Variants in AHDC1 observed in about 807,000 individuals in gnomAD.
AHDC1 encodes the protein AT-hook DNA binding motif containing 1.
A neutral mutation model predicts 87.9 loss-of-function variants in AHDC1; 7 were observed. That is an observed-to-expected ratio of 0.08 (90% CI 0.05 to 0.15). AHDC1 has a LOEUF of 0.15. Among genes scored for constraint, AHDC1 ranks in the 10% least tolerant of loss-of-function variants. The probability of loss-of-function intolerance (pLI) is 1.00; values close to 1 mark genes in which losing one functional copy is unlikely to be tolerated. For synonymous variants in AHDC1, 1,051 were observed against 1,006.8 expected (o/e 1.04, Z -0.83); for missense variants, 1,841 against 2,253.2 (o/e 0.82, Z 3.70).
chr1:27,567,313 G>A (rs918484701), intron 3 of AHDC1, among the ~76,000 whole-genome samples: 3 of 152,256 alleles, frequency 2.0e-5, no homozygotes, highest in East Asian at 1.9e-4. Flanking sequence ...AGGGCAGCGC[G>A]GGGCGCCCGC....
intron 5 of AHDC1, among the ~76,000 whole-genome samples, chr1:27,555,850 C>A (rs1037932040): frequency 1.3e-5 from 2 of 152,142 alleles, no homozygotes; most frequent in African/African-American, 4.8e-5. Flanking sequence ...TCAACCCACC[C>A]GTGAAGACCT....
intron 8 of AHDC1, among the ~76,000 whole-genome samples, chr1:27,537,773 G>A (rs1044566410): frequency 4.6e-5 from 7 of 151,768 alleles, no homozygotes; most frequent in Non-Finnish European, 8.9e-5. Flanking sequence ...ATTCCTCTGA[G>A]TCCTCATGCT....
At chr1:27,582,422 A>G (rs895904175) in intron 3 of AHDC1, among the ~76,000 whole-genome samples, 7 of 152,252 alleles carry the variant, frequency 4.6e-5, no homozygotes, top group Admixed American at 4.6e-4. Context: ...AATAAGAGTA[A>G]CAACAGCCTC....
intron 3 of AHDC1, among the ~76,000 whole-genome samples, chr1:27,597,337 G>T (rs943493825): frequency 4.0e-5 from 5 of 124,338 alleles, no homozygotes; most frequent in Non-Finnish European, 6.2e-5. Context: ...TCACAAATTT[G>T]TGTGTGTGTG....
chr1:27,579,160 C>G (rs955744594), intron 3 of AHDC1, among the ~76,000 whole-genome samples: 2 of 151,800 alleles, frequency 1.3e-5, no homozygotes, highest in African/African-American at 4.8e-5. Context: ...CCCACCTCAG[C>G]CTCTTGCATA....
rs372265193 is a variant in AHDC1 at position 27,595,450 on chromosome 1, C to CTGTGTGTGTGTGTGTGTGTGTGTG, written c.-629+7946_-629+7947insCACACACACACACACACACACACA. The stretch of plus-strand genomic sequence containing the variant: ...GGTTGATATGCTGAGGGTGTGATAG[C>CTGTGTGTGTGTGTGTGTGTGTGTG]TGTGTGTGTGTGTGTGTGTGATTGT... On this transcript the variant is annotated intron_variant, in intron 3 of 8. Transcript: ENST00000673934. The surrounding 1 kb of genome is among the most constrained non-coding windows in gnomAD (Gnocchi z 4.0). Among the ~76,000 whole-genome samples the CTGTGTGTGTGTGTGTGTGTGTGTG allele has an allele frequency of 6.0e-3, 874 of 144,746 alleles. 4 individuals carry two copies. The highest frequency in any genetic ancestry group is 0.011 in the Admixed American group (154 of 14,590). The allele number at this position is 144,746 out of a possible 152,430, so 95.0% of individuals were successfully genotyped here.
chr1:27,549,953 C>T lies in AHDC1; in HGVS notation c.2163G>A (p.Gly721=). 1 of 1,612,732 alleles carries T rather than the reference C, an allele frequency of 6.2e-7. No homozygotes were observed. Among genetic ancestry groups the T allele is most frequent in the South Asian group, 1.1e-5 (1 of 90,958 alleles). The stretch of plus-strand genomic sequence containing the variant: ...CCCCCCGGCCCCGTTTGCGTGGGTG[C>T]CCCAACTCAGTAAGGCCCGGGCCCC... ...GVGGPGLTEL[G]HPRKRGRGEV... Residue 721 remains glycine (G), a synonymous_variant, in exon 8 of 9, where the codon GGG becomes GGA. Coordinates refer to ENST00000673934, the MANE Select transcript of AHDC1 (RefSeq NM_001371928.1).
intron 5 of AHDC1, among the ~76,000 whole-genome samples, chr1:27,556,453 G>A (rs1407447237): frequency 6.6e-6 from 1 of 151,910 alleles, no homozygotes; most frequent in Non-Finnish European, 1.5e-5. Flanking sequence ...TCCTCCAGGG[G>A]CCTTATCTCT....
chr1:27,543,138 C>G lies in AHDC1; in HGVS notation c.*43+4123G>C, dbSNP rs184403203. Among the ~76,000 whole-genome samples, 5 of 152,366 alleles carry G rather than the reference C, an allele frequency of 3.3e-5. No individual in the cohort carries two copies. In the East Asian group the frequency reaches 5.8e-4, roughly 18 times the overall value. ...TCCTGCTTCAGTCAGGCCCTAGCCG[C>G]GTAACCTTGGAGGACCTGTGACATT... On this transcript the variant is annotated intron_variant, in intron 8 of 8. Coordinates refer to ENST00000673934, the MANE Select transcript of AHDC1 (RefSeq NM_001371928.1).
chr1:27,581,907 G>A lies in AHDC1; in HGVS notation c.-629+21490C>T, dbSNP rs12133123. Among the ~76,000 whole-genome samples the A allele has an allele frequency of 3.7e-3, 563 of 152,206 alleles. 1 individual carries two copies. The highest frequency in any genetic ancestry group is 5.7e-3 in the Non-Finnish European group (386 of 68,024). On this transcript the variant is annotated intron_variant, in intron 3 of 8. Transcript: ENST00000673934. Reference sequence around the variant, plus strand: ...CCTCTCCTCTCTTCCCCTCCCCTGAGTCTCAACACCACCCACACACTCACT... The same window carrying A: ...CCTCTCCTCTCTTCCCCTCCCCTGAATCTCAACACCACCCACACACTCACT...
intron 3 of AHDC1, among the ~76,000 whole-genome samples, chr1:27,603,085 T>C (rs2089581745): frequency 6.9e-6 from 1 of 145,566 alleles, no homozygotes; most frequent in Non-Finnish European, 1.5e-5. Flanking sequence ...GCGGCAGCGC[T>C]GGGCGCGCAC....
chr1:27,548,864 G>A lies in AHDC1; in HGVS notation c.3252C>T (p.Ala1084=), dbSNP rs1354866687. ...GGAAGGAGGAGGAGGAGGAGGAGGC[G>A]GCAGAGGCTGCAGAGGTGGCAGAGG... ...TTASATSAAS[A]ASSSSSSFQP... Residue 1084 remains alanine, a synonymous_variant, in exon 8 of 9, where the codon GCC becomes GCT. Transcript: ENST00000673934. 10 of 1,612,532 alleles carry A rather than the reference G, an allele frequency of 6.2e-6. No individual in the cohort carries two copies. The East Asian group carries it at 8.9e-5, about 14-fold the overall frequency.
At chr1:27,542,817 T>C (rs889368387) in intron 8 of AHDC1, among the ~76,000 whole-genome samples, 1 of 152,162 alleles carries the variant, frequency 6.6e-6, no homozygotes. Context: ...AGATTACATT[T>C]TCAGGAAATG....
intron 8 of AHDC1, among the ~76,000 whole-genome samples, chr1:27,542,912 G>A (rs188475932): frequency 6.6e-6 from 1 of 152,346 alleles, no homozygotes; most frequent in East Asian, 1.9e-4. Context: ...CAGAGAGTGT[G>A]GGGAAGAACT....
At position 27,549,412 on chromosome 1, in the gene AHDC1, T is replaced by C. The variant is rs2019392123; in HGVS notation, c.2704A>G (p.Ser902Gly). 2 of 1,612,768 alleles carry C rather than the reference T, an allele frequency of 1.2e-6. No individual in the cohort carries two copies. The highest frequency in any genetic ancestry group is 2.7e-5 in the African/African-American group (2 of 74,886). ...GAKASPVAVG[S>G]SGAGADPSFQ... ...GAGGGGTCCGCCCCAGCCCCGCTGC[T>C]ACCCACTGCCACTGGGCTGGCCTTG... The change falls in exon 8 of 9, where the codon AGC becomes GGC. Residue 902 changes from serine (S) to glycine (G), a missense_variant. Ser to Gly is a moderately conservative substitution (Grantham distance 56). Coordinates refer to ENST00000673934, the MANE Select transcript of AHDC1 (RefSeq NM_001371928.1).
rs1489838949 is a variant in AHDC1 at position 27,593,036 on chromosome 1, T to G, written c.-629+10361A>C. The stretch of plus-strand genomic sequence containing the variant: ...AGTTGGCCCCACCTCCGAGCTGCAT[T>G]ATTTATAAAACCCAGAGCAAGGAGC... On this transcript the variant is annotated intron_variant, in intron 3 of 8. Transcript: ENST00000673934. The surrounding 1 kb of genome is among the most constrained non-coding windows in gnomAD (Gnocchi z 4.9). Among the ~76,000 whole-genome samples, 1 of 151,980 alleles carries G rather than the reference T, an allele frequency of 6.6e-6. No homozygotes were observed. The highest frequency in any genetic ancestry group is 1.5e-5 in the Non-Finnish European group (1 of 67,956).
Position 27,548,967 on chromosome 1 carries a change from G to A in AHDC1, c.3149C>T (p.Ala1050Val). The part of the protein sequence containing the change: ...SSEGAPFSGS[A>V]PTPLRCDSRA... The stretch of plus-strand genomic sequence containing the variant: ...GCTGTCACAGCGCAGGGGCGTGGGG[G>A]CTGAACCAGAGAAGGGGGCCCCCTC... The change falls in exon 8 of 9, where the codon GCC becomes GTC. Residue 1050 changes from alanine (A) to valine (V), a missense_variant. By Grantham distance (64) the Ala-to-Val change is moderately conservative (BLOSUM62 0). This residue lies in a region of AHDC1 where 378 missense variants were observed against 399.0 expected (regional missense o/e 0.95). Transcript: ENST00000673934. The A allele has an allele frequency of 1.3e-6, 2 of 1,567,328 alleles. No individual in the cohort carries two copies. Among genetic ancestry groups the A allele is most frequent in the East Asian group, 2.3e-5 (1 of 43,740 alleles).
chr1:27,571,695 C>A (rs746505061), intron 3 of AHDC1, among the ~76,000 whole-genome samples: 134 of 152,296 alleles, frequency 8.8e-4, no homozygotes, highest in Middle Eastern at 3.4e-3. Context: ...CCTACTTCAC[C>A]CAAGCCCTGG....
rs1238037215 is a variant in AHDC1 at position 27,560,221 on chromosome 1, T to TGA, written c.-628-1339_-628-1338insTC. ...CGTTTTGTGTGTGTGTGTGTGTGTGTGTGAGTCTAGCTAAGCCTGTTTGTG... is the reference window on the plus strand; with the variant it reads ...CGTTTTGTGTGTGTGTGTGTGTGTGTGAGTGAGTCTAGCTAAGCCTGTTTGTG... On this transcript the variant is annotated intron_variant, in intron 3 of 8. Transcript: ENST00000673934. This position sits in a 1 kb window ranked among gnomAD's most constrained non-coding sequence, Gnocchi z 4.1. Among the ~76,000 whole-genome samples the TGA allele has an allele frequency of 6.6e-6, 1 of 151,730 alleles. No homozygotes were observed. Among genetic ancestry groups the TGA allele is most frequent in the East Asian group, 1.9e-4 (1 of 5,162 alleles).
Sources: gnomAD v4.1 joint callset for allele counts (sites outside exome capture counted in the v4.1 genomes callset) on GRCh38, gnomAD v4.1.1 for gene constraint, gnomAD v4.1.1 regional missense constraint, Gnocchi (gnomAD v3.1) non-coding constraint, MANE v1.5 for transcripts, NCBI Gene and HGNC (gene_info 2026-07-23, HGNC 2026-07-21) for gene names.